Variants in CCSER1 observed in about 807,000 individuals in gnomAD.
CCSER1 encodes the protein coiled-coil serine rich protein 1.
In CCSER1, 41 loss-of-function variants were observed where a neutral mutation model predicts 82.0. That is an observed-to-expected ratio of 0.50 (90% CI 0.39 to 0.65). CCSER1 has a LOEUF of 0.65. Among genes scored for constraint, CCSER1 ranks in the 30% least tolerant of loss-of-function variants. CCSER1 has a pLI of 0.00. For missense variants in CCSER1, 1,119 were observed against 1,064.2 expected (o/e 1.05, Z -0.72); for synonymous variants, 414 against 383.9 (o/e 1.08, Z -0.92).
intron 10 of CCSER1, among the ~76,000 whole-genome samples, chr4:91,264,741 G>A (rs1741444384): frequency 2.0e-5 from 3 of 151,950 alleles, no homozygotes; most frequent in Admixed American, 2.0e-4. Context: ...ATAGAGATCA[G>A]GTGCATTCAG....
intron 10 of CCSER1, among the ~76,000 whole-genome samples, chr4:91,576,762 G>A (rs1763470962): frequency 6.6e-6 from 1 of 151,778 alleles, no homozygotes; most frequent in Admixed American, 6.6e-5. Context: ...TTTGAGATCG[G>A]GGTGAAATTT....
At chr4:91,054,115 C>G (rs913107368) in intron 9 of CCSER1, among the ~76,000 whole-genome samples, 2 of 152,132 alleles carry the variant, frequency 1.3e-5, no homozygotes, top group Non-Finnish European at 2.9e-5. Context: ...AGAGGTTGCC[C>G]TCAGACTTGT....
intron 3 of CCSER1, among the ~76,000 whole-genome samples, chr4:90,358,829 T>C (rs1744791908): frequency 6.6e-6 from 1 of 152,194 alleles, no homozygotes; most frequent in Non-Finnish European, 1.5e-5. Flanking sequence ...ATGCCAGTTA[T>C]GAATGCTTAA....
At chr4:90,147,690 C>T (rs1202539252) in intron 1 of CCSER1, among the ~76,000 whole-genome samples, 4 of 151,702 alleles carry the variant, frequency 2.6e-5, no homozygotes, top group Admixed American at 6.6e-5. Flanking sequence ...TGAATACATC[C>T]GTAAATACAA....
chr4:91,402,113 A>ATTGTGGT (rs1290976398), intron 10 of CCSER1, among the ~76,000 whole-genome samples: 2 of 152,028 alleles, frequency 1.3e-5, no homozygotes, highest in Non-Finnish European at 2.9e-5. Context: ...ATGGTATCTC[A>ATTGTGGT]TTGTGGTTTT....
intron 5 of CCSER1, among the ~76,000 whole-genome samples, chr4:90,535,475 T>C (rs917082742): frequency 6.6e-6 from 1 of 152,170 alleles, no homozygotes; most frequent in African/African-American, 2.4e-5. Flanking sequence ...ACTTTAATAG[T>C]AGTAAAACTC....
At chr4:90,625,325 G>T (rs1001779678) in intron 5 of CCSER1, among the ~76,000 whole-genome samples, 2 of 152,068 alleles carry the variant, frequency 1.3e-5, no homozygotes, top group Admixed American at 1.3e-4. Flanking sequence ...CCCAATAATG[G>T]CTATTGATCA....
At chr4:90,755,180 TG>T (rs1305265361) in intron 7 of CCSER1, among the ~76,000 whole-genome samples, 1 of 152,192 alleles carries the variant, frequency 6.6e-6, no homozygotes, top group Non-Finnish European at 1.5e-5. Flanking sequence ...GTGTGTTAAT[TG>T]GATACTTTGC....
intron 6 of CCSER1, among the ~76,000 whole-genome samples, chr4:90,689,719 A>T (rs978385271): frequency 6.6e-6 from 1 of 152,132 alleles, no homozygotes; most frequent in Admixed American, 6.6e-5. Flanking sequence ...TGGAGAAAAC[A>T]GGAAATGAAC....
At chr4:91,062,576 C>T (rs886891423) in intron 9 of CCSER1, among the ~76,000 whole-genome samples, 7 of 152,072 alleles carry the variant, frequency 4.6e-5, no homozygotes, top group African/African-American at 1.4e-4. Context: ...CTCGTAGGTA[C>T]ACCACATTAA....
At chr4:90,263,169 TC>T (rs1724638705) in intron 1 of CCSER1, among the ~76,000 whole-genome samples, 1 of 152,190 alleles carries the variant, frequency 6.6e-6, no homozygotes, top group Admixed American at 6.5e-5. Flanking sequence ...AGTCCTGCCA[TC>T]CGGATTCTTT....
intron 10 of CCSER1, among the ~76,000 whole-genome samples, chr4:91,118,159 T>C (rs1039661941): frequency 6.6e-6 from 1 of 152,198 alleles, no homozygotes; most frequent in African/African-American, 2.4e-5. Context: ...TGCAATTTTA[T>C]GTAAAATGAG....
intron 1 of CCSER1, among the ~76,000 whole-genome samples, chr4:90,229,682 G>C (rs938693288): frequency 6.6e-6 from 1 of 152,138 alleles, no homozygotes; most frequent in African/African-American, 2.4e-5. Context: ...TGGCAAATTG[G>C]ATAAAGAGTC....
intron 1 of CCSER1, among the ~76,000 whole-genome samples, chr4:90,277,464 T>C (rs1728047317): frequency 6.6e-6 from 1 of 152,132 alleles, no homozygotes; most frequent in African/African-American, 2.4e-5. Context: ...AGCATGGTAC[T>C]AGTACGAAAA....
At chr4:90,542,939 A>C (rs1776286418) in intron 5 of CCSER1, among the ~76,000 whole-genome samples, 1 of 152,252 alleles carries the variant, frequency 6.6e-6, no homozygotes, top group Non-Finnish European at 1.5e-5. Context: ...TTGCTCTTTA[A>C]AAAGTTATGC....
intron 1 of CCSER1, among the ~76,000 whole-genome samples, chr4:90,151,904 A>G (rs1180870843): frequency 6.6e-6 from 1 of 152,202 alleles, no homozygotes; most frequent in East Asian, 1.9e-4. Context: ...TAAATGTACT[A>G]TAGATGCTAA....
At chr4:91,418,767 C>G (rs1753525964) in intron 10 of CCSER1, among the ~76,000 whole-genome samples, 1 of 151,954 alleles carries the variant, frequency 6.6e-6, no homozygotes, top group South Asian at 2.1e-4. Flanking sequence ...AAGACAAAAG[C>G]TTTGCCAGAG....
At chr4:90,401,093 C>G (rs889488859) in intron 4 of CCSER1, among the ~76,000 whole-genome samples, 7 of 152,006 alleles carry the variant, frequency 4.6e-5, no homozygotes, top group Non-Finnish European at 7.4e-5. Flanking sequence ...TATCAATTGT[C>G]AAAAGAAGGC....
At chr4:91,405,811 C>A (rs1472746656) in intron 10 of CCSER1, among the ~76,000 whole-genome samples, 5 of 152,192 alleles carry the variant, frequency 3.3e-5, no homozygotes, top group Non-Finnish European at 7.4e-5. Context: ...AATTCTCCGA[C>A]CCCTTGCACT....
Sources: allele counts gnomAD v4.1 joint callset (sites outside exome capture counted in the v4.1 genomes callset), GRCh38; gene constraint gnomAD v4.1.1; transcripts MANE v1.5; gene names NCBI Gene and HGNC (gene_info 2026-07-23, HGNC 2026-07-21).